The following TLE1 variants were observed in gnomAD, a reference collection of about 807,000 sequenced individuals.
The protein encoded by TLE1 is transducin-like enhancer protein 1.
In TLE1, 21 loss-of-function variants were observed where a neutral mutation model predicts 89.8. The ratio of observed to expected loss-of-function variants is 0.23; its 90% CI spans 0.17 to 0.34. TLE1 has a LOEUF of 0.34. Ranked by LOEUF, TLE1 falls within the 10% of genes least tolerant of loss-of-function variation. TLE1 has a pLI of 1.00. For synonymous variants in TLE1, 447 were observed against 407.6 expected, an observed-to-expected ratio of 1.10 and a Z score of -1.16; for missense variants, 795 against 1,031.2, an observed-to-expected ratio of 0.77 and a Z score of 3.14.
chr9:81,680,334 G>A (rs1480024766), intron 4 of TLE1, among the ~76,000 whole-genome samples: 1 of 152,190 alleles, frequency 6.6e-6, no homozygotes, highest in Non-Finnish European at 1.5e-5. Flanking sequence ...AAGAGGGGGA[G>A]GCAAGGGAGG....
intron 14 of TLE1, among the ~76,000 whole-genome samples, chr9:81,609,069 TTCCTCTCCTC>T (rs1199677918): frequency 4.0e-5 from 6 of 150,284 alleles, no homozygotes; most frequent in African/African-American, 1.5e-4. Flanking sequence ...CCCCTCCCCT[TTCCTCTCCTC>T]TCCTTTCCTT....
chr9:81,620,225 G>C (rs1422534097), intron 9 of TLE1, among the ~76,000 whole-genome samples: 1 of 152,104 alleles, frequency 6.6e-6, no homozygotes, highest in African/African-American at 2.4e-5. Context: ...TCCCTTTTGA[G>C]TAACAAAGGC....
At chr9:81,642,069 A>G (rs12551040) in intron 6 of TLE1, among the ~76,000 whole-genome samples, 33,030 of 144,632 alleles carry the variant, frequency 0.23, 4,142 homozygotes, top group East Asian at 0.49. Context: ...AACCTGCTGA[A>G]ATGGTGGGTA....
chr9:81,637,136 A>G (rs2132408644), intron 6 of TLE1, among the ~76,000 whole-genome samples: 1 of 151,994 alleles, frequency 6.6e-6, no homozygotes, highest in Non-Finnish European at 1.5e-5. Flanking sequence ...GGCGGGTGTA[A>G]CACTTGAGGT....
intron 14 of TLE1, among the ~76,000 whole-genome samples, chr9:81,600,633 A>T (rs1830793627): frequency 6.6e-6 from 1 of 151,694 alleles, no homozygotes; most frequent in Non-Finnish European, 1.5e-5. Context: ...TAGACCAAAA[A>T]AAAAAAAAAA....
chr9:81,606,211 G>T (rs994714879), intron 14 of TLE1, among the ~76,000 whole-genome samples: 1 of 152,206 alleles, frequency 6.6e-6, no homozygotes, highest in African/African-American at 2.4e-5. Flanking sequence ...AAGACAGCAT[G>T]GCAATTCCTC....
intron 4 of TLE1, among the ~76,000 whole-genome samples, chr9:81,680,881 G>A (rs778436026): frequency 1.4e-4 from 19 of 137,292 alleles, no homozygotes; most frequent in Non-Finnish European, 2.4e-4. Context: ...TGACTTAGGG[G>A]GAAAAAAAAT....
intron 4 of TLE1, among the ~76,000 whole-genome samples, chr9:81,672,165 T>C (rs575754696): frequency 6.6e-6 from 1 of 152,236 alleles, no homozygotes; most frequent in South Asian, 2.1e-4. Flanking sequence ...TGAGAGCAGG[T>C]ACTGGCACAA....
intron 4 of TLE1, among the ~76,000 whole-genome samples, chr9:81,673,998 C>T (rs1010721120): frequency 7.9e-5 from 12 of 152,068 alleles, no homozygotes; most frequent in African/African-American, 2.7e-4. Flanking sequence ...TTTCCTAAAC[C>T]GAAAGCAACC....
At chr9:81,646,389 A>G (rs1828866057) in intron 6 of TLE1, among the ~76,000 whole-genome samples, 1 of 152,204 alleles carries the variant, frequency 6.6e-6, no homozygotes. Flanking sequence ...ATTTAAGTAG[A>G]GAGTACGTCA....
At chr9:81,598,373 C>A (rs1431755586) in intron 14 of TLE1, among the ~76,000 whole-genome samples, 1 of 152,152 alleles carries the variant, frequency 6.6e-6, no homozygotes, top group South Asian at 2.1e-4. Flanking sequence ...CCTCCCTCTG[C>A]CTGCCACGAA....
chr9:81,679,501 C>T (rs777153284), intron 4 of TLE1, among the ~76,000 whole-genome samples: 4 of 151,898 alleles, frequency 2.6e-5, no homozygotes, highest in Non-Finnish European at 4.4e-5. Flanking sequence ...CCACACCTCA[C>T]GGGGAAAAAA....
chr9:81,615,916 A>G, intron 11 of TLE1, 66 bp downstream of exon 11: 2 of 1,589,434 alleles, frequency 1.3e-6, no homozygotes, highest in South Asian at 2.3e-5. Flanking sequence ...CCAATACTTC[A>G]GAGTCCTCCA....
chr9:81,620,352 G>T, intron 9 of TLE1, 89 bp downstream of exon 9: 1 of 1,015,976 alleles, frequency 9.8e-7, no homozygotes, highest in Non-Finnish European at 1.5e-6. Flanking sequence ...TTAAGGACAT[G>T]GAATTATCAC....
At chr9:81,625,911 T>TAAAAAAAAAAAAAAAAAAA (rs35467275) in intron 8 of TLE1, among the ~76,000 whole-genome samples, 8 of 87,834 alleles carry the variant, frequency 9.1e-5, no homozygotes, top group African/African-American at 3.8e-4. Context: ...CAGAAACTAC[T>TAAAAAAAAAAAAAAAAAAA]AAAAAAAAAA....
At chr9:81,627,036 CCT>C (rs915174350) in intron 8 of TLE1, among the ~76,000 whole-genome samples, 2 of 152,068 alleles carry the variant, frequency 1.3e-5, no homozygotes, top group Admixed American at 6.6e-5. Flanking sequence ...CTCTCCAGCC[CCT>C]GTTGAAATAC....
In TLE1 at chr9:81,653,955, G is replaced by T; in HGVS notation, c.297+19C>A. The T allele has an allele frequency of 6.2e-7, 1 of 1,612,208 alleles. No homozygotes were observed. Among genetic ancestry groups the T allele is most frequent in the Non-Finnish European group, 8.5e-7 (1 of 1,178,554 alleles). ...GAAGCAACATAATTGCACTTTAACAGCTGAACAATTTTACTTACTTCCTGA... is the reference window on the plus strand; with the variant it reads ...GAAGCAACATAATTGCACTTTAACATCTGAACAATTTTACTTACTTCCTGA... On this transcript the variant is annotated intron_variant, in intron 5 of 19. Coordinates refer to ENST00000376499, the MANE Select transcript of TLE1 (RefSeq NM_005077.5).
chr9:81,686,982 A>G (rs1834368049), intron 2 of TLE1, among the ~76,000 whole-genome samples: 1 of 151,994 alleles, frequency 6.6e-6, no homozygotes, highest in Non-Finnish European at 1.5e-5. Flanking sequence ...CTGAACCCAC[A>G]CTCCAGGACT....
chr9:81,594,058 G>T (rs1301536045), intron 14 of TLE1, among the ~76,000 whole-genome samples: 1 of 152,044 alleles, frequency 6.6e-6, no homozygotes, highest in African/African-American at 2.4e-5. Flanking sequence ...AGAGGGATGG[G>T]GGATATGGGA....
Sources: gnomAD v4.1 joint callset for allele counts (sites outside exome capture counted in the v4.1 genomes callset) on GRCh38, gnomAD v4.1.1 for gene constraint, MANE v1.5 for transcripts, NCBI Gene and HGNC (gene_info 2026-07-23, HGNC 2026-07-21) for gene names.